The following MTMR2 variants were observed in gnomAD, a reference collection of about 807,000 sequenced individuals.
MTMR2 encodes the protein myotubularin related protein 2.
Under a neutral mutation model 86.9 loss-of-function variants are expected in MTMR2, and 55 were observed. That is an observed-to-expected ratio of 0.63 (90% CI 0.51 to 0.79). The LOEUF (loss-of-function observed/expected upper bound fraction) is 0.79. Among genes scored for constraint, MTMR2 ranks in the 30% least tolerant of loss-of-function variants. The probability of loss-of-function intolerance (pLI) is 0.00; values close to 1 mark genes in which losing one functional copy is unlikely to be tolerated. For missense variants in MTMR2, 659 were observed against 772.3 expected (o/e 0.85, Z 1.74); for synonymous variants, 241 against 266.8 (o/e 0.90, Z 0.94).
intron 6 of MTMR2, 109 bp from the exon 7 acceptor site, chr11:95,857,744 T>C (rs1864264171): frequency 5.6e-6 from 4 of 712,568 alleles, no homozygotes; most frequent in Middle Eastern, 3.7e-4. Flanking sequence ...TGCAAGAACA[T>C]TTTATGTATT....
intron 2 of MTMR2, among the ~76,000 whole-genome samples, chr11:95,879,325 G>C (rs1038114873): frequency 6.6e-6 from 1 of 152,100 alleles, no homozygotes; most frequent in Non-Finnish European, 1.5e-5. Context: ...TAGGAGGGGA[G>C]GGCAGATGAG....
At chr11:95,853,392 A>C (rs1864096219) in intron 7 of MTMR2, among the ~76,000 whole-genome samples, 1 of 151,728 alleles carries the variant, frequency 6.6e-6, no homozygotes, top group African/African-American at 2.4e-5. Flanking sequence ...TCTATAATCC[A>C]TTCTCTACAC....
rs373494051 is a variant in MTMR2 at position 95,847,828 on chromosome 11, A to G, written c.1065T>C (p.Asn355=). 8 of 1,613,642 alleles carry G rather than the reference A, an allele frequency of 5.0e-6. No homozygotes were observed. The highest frequency in any genetic ancestry group is 6.8e-6 in the Non-Finnish European group (8 of 1,179,724). ...GTAATGATTCTCTCATAACATGAAT[A>G]TTGTGGATATCCAGGAAAACTAGTT... The part of the protein sequence containing the change: ...NAELVFLDIH[N]IHVMRESLRK... Residue 355 remains asparagine (N), a synonymous_variant, in exon 10 of 15, where the codon AAT becomes AAC. Coordinates refer to ENST00000346299, the MANE Select transcript of MTMR2 (RefSeq NM_016156.6).
chr11:95,852,309 T>A (rs1048558432), intron 7 of MTMR2, among the ~76,000 whole-genome samples: 3 of 152,340 alleles, frequency 2.0e-5, no homozygotes, highest in Admixed American at 2.0e-4. Context: ...TCCAAATCTA[T>A]CCTTTTTATA....
Position 95,841,732 on chromosome 11 carries a change from T to C in MTMR2, c.1387-23A>G, listed in dbSNP as rs572740319. 4.0e-6 allele frequency: 6 copies of C among 1,510,344 alleles called. 1 individual carries two copies. The Middle Eastern group carries it at 5.1e-4, about 128-fold the overall frequency. The allele number at this position is 1,510,344 out of a possible 1,614,324, so 93.6% of individuals were successfully genotyped here. On this transcript the variant is annotated intron_variant, in intron 11 of 14. Transcript: ENST00000346299. ...TCTCTGAAGCAAAAAGAGTGAAATA[T>C]ATGAACTTAGGGGGATTTTTCATGT...
intron 3 of MTMR2, 183 bp downstream of exon 3, chr11:95,865,418 C>G: frequency 1.6e-6 from 1 of 625,922 alleles, no homozygotes; most frequent in South Asian, 2.0e-5. Flanking sequence ...AACACAAACA[C>G]TAGCAGCGGG....
chr11:95,922,870 A>G (rs148438508), intron 1 of MTMR2, among the ~76,000 whole-genome samples: 34 of 151,588 alleles, frequency 2.2e-4, no homozygotes, highest in African/African-American at 7.5e-4. Flanking sequence ...ATTATAATAG[A>G]GCCACTTCAA....
intron 13 of MTMR2, 31 bp downstream of exon 13, chr11:95,838,063 A>G (rs1254571335): frequency 3.1e-6 from 4 of 1,270,600 alleles, no homozygotes; most frequent in Admixed American, 3.4e-5. Context: ...CAGTAGAGAT[A>G]GTATGGGGAA....
Position 95,865,530 on chromosome 11 carries a change from A to G in MTMR2, c.262+71T>C, listed in dbSNP as rs112787311. On this transcript the variant is annotated intron_variant, in intron 3 of 14. Transcript: ENST00000346299. ...CTCTGACAGCCAGTTTATTCTCTGT[A>G]TGCTGAGAGTACTGAACATTCTGCA... 5.1e-6 allele frequency: 7 copies of G among 1,372,160 alleles called. No homozygotes were observed. The African/African-American group carries it at 8.6e-5, about 17-fold the overall frequency. 85.0% of individuals were successfully genotyped at this position (1,372,160 alleles called of 1,614,324 possible).
At chr11:95,885,837 A>C (rs955612201) in intron 2 of MTMR2, among the ~76,000 whole-genome samples, 3 of 152,128 alleles carry the variant, frequency 2.0e-5, no homozygotes, top group African/African-American at 7.2e-5. Flanking sequence ...CGCCTCAACC[A>C]AGTGATCAAG....
intron 12 of MTMR2, 56 bp downstream of exon 12, chr11:95,841,561 C>T (rs1863546618): frequency 7.6e-7 from 1 of 1,319,484 alleles, no homozygotes; most frequent in African/African-American, 1.4e-5. Context: ...AATCTCCCCA[C>T]TCTGACAGGA....
intron 1 of MTMR2, among the ~76,000 whole-genome samples, chr11:95,902,349 C>T (rs561494100): frequency 6.6e-6 from 1 of 152,288 alleles, no homozygotes; most frequent in South Asian, 2.1e-4. Flanking sequence ...CCTTCCATCT[C>T]TCTGTCAGCC....
At chr11:95,843,874 T>G (rs1863656821) in intron 11 of MTMR2, among the ~76,000 whole-genome samples, 1 of 152,180 alleles carries the variant, frequency 6.6e-6, no homozygotes, top group Non-Finnish European at 1.5e-5. Flanking sequence ...CATAAAGTTC[T>G]CTGGGTAACA....
At chr11:95,855,440 T>C (rs1432835306) in intron 7 of MTMR2, among the ~76,000 whole-genome samples, 1 of 151,244 alleles carries the variant, frequency 6.6e-6, no homozygotes, top group African/African-American at 2.4e-5. Flanking sequence ...TTTGTATAGA[T>C]GGTGTTTCAC....
At chr11:95,888,132 A>C (rs1865577693) in intron 2 of MTMR2, 24 bp downstream of exon 2, 4 of 1,544,260 alleles carry the variant, frequency 2.6e-6, no homozygotes, top group Non-Finnish European at 3.6e-6. Flanking sequence ...GTACTTCATC[A>C]GAACTTTAAA....
At chr11:95,921,336 A>C (rs1380559895) in intron 1 of MTMR2, among the ~76,000 whole-genome samples, 1 of 152,256 alleles carries the variant, frequency 6.6e-6, no homozygotes, top group African/African-American at 2.4e-5. Context: ...CCTCTGTATA[A>C]AAACAGAAAG....
At chr11:95,896,613 G>A (rs756429900) in intron 1 of MTMR2, among the ~76,000 whole-genome samples, 1 of 152,024 alleles carries the variant, frequency 6.6e-6, no homozygotes. Flanking sequence ...TATTTGTTAA[G>A]GAGTGAAAGA....
rs759550822 is a variant in MTMR2 at position 95,888,230 on chromosome 11, G to C, written c.112C>G (p.His38Asp). Residue 38 changes from histidine to aspartate, a missense_variant, in exon 2 of 15, where the codon CAT (histidine) becomes GAT (aspartate). Transcript: ENST00000346299. ...GATACAACAGAAGCTGATTTTGTAT[G>C]CACTGAATTCTCTGAATGAGAAGTG... ...ASTSHSENSV[H>D]TKSASVVSSD... 1 of 1,613,426 alleles carries C rather than the reference G, an allele frequency of 6.2e-7. No individual in the cohort carries two copies. Among genetic ancestry groups the C allele is most frequent in the South Asian group, 1.1e-5 (1 of 91,052 alleles).
intron 1 of MTMR2, among the ~76,000 whole-genome samples, chr11:95,888,826 C>G (rs1865609822): frequency 6.6e-6 from 1 of 152,112 alleles, no homozygotes; most frequent in Admixed American, 6.5e-5. Flanking sequence ...GAAGACTTCT[C>G]AGAGGAGATG....
Sources: gnomAD v4.1 joint callset for allele counts (sites outside exome capture counted in the v4.1 genomes callset) on GRCh38, gnomAD v4.1.1 for gene constraint, MANE v1.5 for transcripts, NCBI Gene and HGNC (gene_info 2026-07-23, HGNC 2026-07-21) for gene names.